The following PSIP1 variants were observed in gnomAD, a reference collection of about 807,000 sequenced individuals.
PSIP1 encodes the protein PC4 and SFRS1-interacting protein.
PSIP1 carries 19 observed loss-of-function variants against 74.7 expected under a neutral mutation model. That is an observed-to-expected ratio of 0.25 (90% CI 0.18 to 0.37). PSIP1 has a LOEUF of 0.37. Among genes scored for constraint, PSIP1 ranks in the 10% least tolerant of loss-of-function variants. The pLI is 1.00. For missense variants in PSIP1, 601 were observed against 614.3 expected (o/e 0.98, Z 0.23); for synonymous variants, 222 against 195.3 (o/e 1.14, Z -1.14).
rs561264237 is a variant in PSIP1 at position 15,490,452 on chromosome 9, G to A, written c.150-328C>T. 2.8e-4 allele frequency among the ~76,000 whole-genome samples: 42 copies of A among 152,154 alleles called. 1 individual carries two copies. Among genetic ancestry groups the A allele is most frequent in the Admixed American group, 1.8e-3 (27 of 15,282 alleles). ...AATCTCACCACTTTGGGAAGCTGAGGCGGGTGGATCACTTGAGGTCAGGAG... is the reference window on the plus strand; with the variant it reads ...AATCTCACCACTTTGGGAAGCTGAGACGGGTGGATCACTTGAGGTCAGGAG... On this transcript the variant is annotated intron_variant, in intron 3 of 15. Transcript: ENST00000380733.
chr9:15,487,757 C>A (rs941595779), intron 4 of PSIP1, among the ~76,000 whole-genome samples: 1 of 152,160 alleles, frequency 6.6e-6, no homozygotes, highest in Non-Finnish European at 1.5e-5. Flanking sequence ...ATTAGCTATT[C>A]TTCTCACACG....
At chr9:15,501,258 C>G (rs1209480874) in intron 3 of PSIP1, among the ~76,000 whole-genome samples, 1 of 151,956 alleles carries the variant, frequency 6.6e-6, no homozygotes, top group Non-Finnish European at 1.5e-5. Context: ...ATGACTTTAT[C>G]TAGTGCACAA....
chr9:15,479,628 A>G lies in PSIP1; in HGVS notation c.516T>C (p.Val172=), dbSNP rs1200724720. The change falls in exon 7 of 16, where the codon GTT becomes GTC. Residue 172 remains valine, a synonymous_variant. Transcript: ENST00000380733. ...CTCTTTTAGGACTCACTTTTAGATT[A>G]ACAGATGCTGTTGCTGTTGTCACTA... The part of the protein sequence containing the change: ...AGVVTTATAS[V]NLKVSPKRGR... 1 of 1,610,142 alleles carries G rather than the reference A, an allele frequency of 6.2e-7. No individual in the cohort carries two copies. The highest frequency in any genetic ancestry group is 1.1e-5 in the South Asian group (1 of 90,584).
intron 6 of PSIP1, among the ~76,000 whole-genome samples, chr9:15,485,271 A>G (rs146273886): frequency 1.3e-5 from 2 of 152,234 alleles, no homozygotes; most frequent in African/African-American, 2.4e-5. Flanking sequence ...AATTTCCTCT[A>G]TGTGAAATGG....
intron 3 of PSIP1, among the ~76,000 whole-genome samples, chr9:15,495,442 G>C (rs1275698578): frequency 1.3e-5 from 2 of 152,054 alleles, no homozygotes; most frequent in Non-Finnish European, 2.9e-5. Flanking sequence ...ATATTAAGTA[G>C]TCTATTACTG....
chr9:15,484,147 A>C (rs1373963317), intron 6 of PSIP1, among the ~76,000 whole-genome samples: 1 of 150,790 alleles, frequency 6.6e-6, no homozygotes, highest in African/African-American at 2.4e-5. Context: ...AAAAAAAAAA[A>C]CAAATTTATA....
Position 15,467,993 on chromosome 9 carries a change from G to T in PSIP1, c.1420+637C>A, listed in dbSNP as rs112708905. On this transcript the variant is annotated intron_variant, in intron 14 of 15. Transcript: ENST00000380733. Reference sequence around the variant, plus strand: ...AAATTAGCTAGGTGTGGTGGCGTATGCCTGTAATCCCAGCTACTCTGGAGG... The same window carrying T: ...AAATTAGCTAGGTGTGGTGGCGTATTCCTGTAATCCCAGCTACTCTGGAGG... Among the ~76,000 whole-genome samples, 12 of 152,218 alleles carry T rather than the reference G, an allele frequency of 7.9e-5. 2 individuals carry two copies. The highest frequency in any genetic ancestry group is 2.6e-4 in the African/African-American group (11 of 41,514).
intron 3 of PSIP1, among the ~76,000 whole-genome samples, chr9:15,491,645 AT>A (rs2036838611): frequency 6.6e-6 from 1 of 152,200 alleles, no homozygotes; most frequent in African/African-American, 2.4e-5. Flanking sequence ...TCAGAAATCC[AT>A]TTAAGTAACC....
chr9:15,482,633 T>C (rs1343608975), intron 6 of PSIP1, among the ~76,000 whole-genome samples: 1 of 152,186 alleles, frequency 6.6e-6, no homozygotes, highest in Non-Finnish European at 1.5e-5. Context: ...CCAACATGTA[T>C]TTACATAAAA....
At chr9:15,477,783 T>C (rs574607160) in intron 8 of PSIP1, among the ~76,000 whole-genome samples, 1 of 152,186 alleles carries the variant, frequency 6.6e-6, no homozygotes, top group African/African-American at 2.4e-5. Flanking sequence ...AAATTAAATT[T>C]ACATACAAAA....
At chr9:15,478,371 T>C (rs2036187425) in intron 8 of PSIP1, 106 bp downstream of exon 8, 2 of 934,988 alleles carry the variant, frequency 2.1e-6, no homozygotes, top group East Asian at 2.6e-5. Flanking sequence ...ATCAAAATAA[T>C]AACAAACATC....
intron 4 of PSIP1, among the ~76,000 whole-genome samples, chr9:15,488,615 AT>A (rs1030860157): frequency 6.6e-6 from 1 of 152,080 alleles, no homozygotes; most frequent in African/African-American, 2.4e-5. Flanking sequence ...AATATAAAAA[AT>A]TTTTCTAAGC....
chr9:15,477,001 A>G (rs1322990483), intron 8 of PSIP1, among the ~76,000 whole-genome samples: 1 of 152,162 alleles, frequency 6.6e-6, no homozygotes, highest in Non-Finnish European at 1.5e-5. Context: ...AAAAGCCAAG[A>G]AGACAAACGG....
intron 3 of PSIP1, among the ~76,000 whole-genome samples, chr9:15,502,123 TG>T (rs1484444768): frequency 6.6e-6 from 1 of 152,096 alleles, no homozygotes; most frequent in Non-Finnish European, 1.5e-5. Context: ...TGATCTGAGG[TG>T]GAACAGTTTT....
chr9:15,473,108 CA>C (rs1264904735), intron 9 of PSIP1, among the ~76,000 whole-genome samples: 1 of 151,982 alleles, frequency 6.6e-6, no homozygotes, highest in African/African-American at 2.4e-5. Flanking sequence ...AGAAATGAGC[CA>C]AAAATCAGAT....
At chr9:15,496,887 T>G (rs1427358574) in intron 3 of PSIP1, among the ~76,000 whole-genome samples, 3 of 152,136 alleles carry the variant, frequency 2.0e-5, no homozygotes, top group Non-Finnish European at 2.9e-5. Flanking sequence ...CTACCGTCAC[T>G]CCCACTCAGA....
intron 3 of PSIP1, among the ~76,000 whole-genome samples, chr9:15,502,306 A>G (rs904579453): frequency 3.3e-5 from 5 of 152,206 alleles, no homozygotes; most frequent in Non-Finnish European, 7.3e-5. Flanking sequence ...TTCACTACAG[A>G]CATAACCATC....
At chr9:15,470,425 A>G (rs1407274381) in intron 10 of PSIP1, among the ~76,000 whole-genome samples, 2 of 152,132 alleles carry the variant, frequency 1.3e-5, no homozygotes, top group East Asian at 1.9e-4. Context: ...GACTTAAGAT[A>G]ACACTGTTTT....
At chr9:15,506,514 C>G (rs371644470) in intron 3 of PSIP1, 47 bp downstream of exon 3, 19 of 1,344,752 alleles carry the variant, frequency 1.4e-5, no homozygotes, top group African/African-American at 8.7e-5. Context: ...TGCCTAATAA[C>G]CCTGTTAAAT....
Sources: allele counts gnomAD v4.1 joint callset (sites outside exome capture counted in the v4.1 genomes callset), GRCh38; gene constraint gnomAD v4.1.1; transcripts MANE v1.5; gene names NCBI Gene and HGNC (gene_info 2026-07-23, HGNC 2026-07-21).